The following PCNX2 variants were observed in gnomAD, a reference collection of about 807,000 sequenced individuals.
PCNX2 encodes pecanex 2, also known as pecanex-like protein 2.
A neutral mutation model predicts 223.8 loss-of-function variants in PCNX2; 168 were observed. That is an observed-to-expected ratio of 0.75 (90% CI 0.66 to 0.85). The LOEUF (loss-of-function observed/expected upper bound fraction) is 0.85, where lower values mean the gene tolerates loss of function less well. Ranked by LOEUF, PCNX2 falls within the 40% of genes least tolerant of loss-of-function variation. The pLI is 0.00. For missense variants in PCNX2, 2,507 were observed against 2,675.5 expected (o/e 0.94, Z 1.39); for synonymous variants, 1,006 against 1,052.6 (o/e 0.96, Z 0.86).
intron 23 of PCNX2, chr1:233,065,360 T>C (rs1052379790): frequency 2.0e-5 from 3 of 152,224 alleles, no homozygotes; most frequent in Admixed American, 6.5e-5. Flanking sequence ...CTATACAGAA[T>C]ACTGGTATCC....
At chr1:233,111,278 C>G (rs1675101487) in intron 21 of PCNX2, among the ~76,000 whole-genome samples, 1 of 152,118 alleles carries the variant, frequency 6.6e-6, no homozygotes, top group African/African-American at 2.4e-5. Context: ...CCTACCTCAG[C>G]AATTTATTGT....
At chr1:233,233,416 C>T (rs1281859383) in intron 9 of PCNX2, among the ~76,000 whole-genome samples, 1 of 144,270 alleles carries the variant, frequency 6.9e-6, no homozygotes. Context: ...AAATAACCTC[C>T]TCTTCTCCTG....
At chr1:233,158,899 C>A (rs188156835) in intron 19 of PCNX2, among the ~76,000 whole-genome samples, 3 of 152,158 alleles carry the variant, frequency 2.0e-5, no homozygotes, top group African/African-American at 7.2e-5. Context: ...CTCTATGTAT[C>A]CAGAAGCAGT....
At chr1:233,111,007 A>T (rs1675080584) in intron 21 of PCNX2, among the ~76,000 whole-genome samples, 1 of 152,216 alleles carries the variant, frequency 6.6e-6, no homozygotes, top group South Asian at 2.1e-4. Context: ...ATAAAGAAGT[A>T]GTTCAAAGTG....
At chr1:233,183,268 G>A (rs1202126998) in intron 15 of PCNX2, among the ~76,000 whole-genome samples, 1 of 152,078 alleles carries the variant, frequency 6.6e-6, no homozygotes, top group Non-Finnish European at 1.5e-5. Flanking sequence ...ACCTCTCACT[G>A]AGTCCCACCA....
chr1:233,127,934 G>A (rs1225665617), intron 21 of PCNX2, among the ~76,000 whole-genome samples: 1 of 151,904 alleles, frequency 6.6e-6, no homozygotes, highest in African/African-American at 2.4e-5. Context: ...TTTTGAACAA[G>A]TACTTCTGTA....
Position 233,291,102 on chromosome 1 carries a change from T to C in PCNX2, c.153+4224A>G, listed in dbSNP as rs1661737938. 5 of 985,242 alleles carry C rather than the reference T, an allele frequency of 5.1e-6. No individual in the cohort carries two copies. The South Asian group carries it at 2.3e-4, about 46-fold the overall frequency. The allele number at this position is 985,242 out of a possible 1,614,324, so 61.0% of individuals were successfully genotyped here. On this transcript the variant is annotated intron_variant, in intron 1 of 33. Coordinates refer to ENST00000258229, the MANE Select transcript of PCNX2 (RefSeq NM_014801.4). ...CTTATATGTAGTATGTCAGGCAGCA[T>C]AATGTCCTGGAAGGGCCAAAGACTC...
chr1:233,207,621 C>G (rs999562417), intron 13 of PCNX2, among the ~76,000 whole-genome samples: 31 of 152,192 alleles, frequency 2.0e-4, no homozygotes, highest in Admixed American at 1.4e-3. Flanking sequence ...TCAGTAATTT[C>G]TGAGGTGGCC....
chr1:233,215,808 C>T lies in PCNX2; in HGVS notation c.2691+2091G>A, dbSNP rs1422906162. On this transcript the variant is annotated intron_variant, in intron 12 of 33. Transcript: ENST00000258229. ...CACACCACCTAACCCAGATTTCTGA[C>T]GATAATCACAACAATACATCTCAAT... Among the ~76,000 whole-genome samples the T allele has an allele frequency of 3.9e-5, 6 of 152,092 alleles. No individual in the cohort carries two copies. In the East Asian group the frequency reaches 5.8e-4, roughly 15 times the overall value.
intron 23 of PCNX2, among the ~76,000 whole-genome samples, chr1:233,086,058 GAT>G (rs1337035350): frequency 2.0e-5 from 3 of 152,228 alleles, no homozygotes; most frequent in African/African-American, 7.2e-5. Context: ...GGAAAGGAAA[GAT>G]AATTTTTAAT....
chr1:233,288,809 T>C, intron 1 of PCNX2: 5 of 521,828 alleles, frequency 9.6e-6, no homozygotes, highest in South Asian at 2.8e-5. Context: ...ATGCCCTTTT[T>C]TTTTTTTTTT....
At position 233,275,591 on chromosome 1, in the gene PCNX2, A is replaced by C. The variant is rs78426439; in HGVS notation, c.154-12428T>G. Among the ~76,000 whole-genome samples, 260 of 152,360 alleles carry C rather than the reference A, an allele frequency of 1.7e-3. 2 individuals carry two copies. The highest frequency in any genetic ancestry group is 6.0e-3 in the African/African-American group (250 of 41,596). ...TTGTTATTTTAAAAAGTATTTACAC[A>C]AAACAGTGTGGGACTTCTTCAAAAA... On this transcript the variant is annotated intron_variant, in intron 1 of 33. Transcript: ENST00000258229.
At position 233,038,319 on chromosome 1, in the gene PCNX2, GA is replaced by G. The variant is rs1671528337; in HGVS notation, c.4352-12921del. On this transcript the variant is annotated intron_variant, in intron 25 of 33. Coordinates refer to ENST00000258229, the MANE Select transcript of PCNX2 (RefSeq NM_014801.4). ...CTACTACTGCCCCGTTTAAAGATGTGAAAACTAATGCACTCAACTCTACTCA... is the reference window on the plus strand; with the variant it reads ...CTACTACTGCCCCGTTTAAAGATGTGAAACTAATGCACTCAACTCTACTCA... Among the ~76,000 whole-genome samples the G allele has an allele frequency of 3.3e-5, 5 of 152,252 alleles. No individual in the cohort carries two copies. In the South Asian group the frequency reaches 1.0e-3, roughly 32 times the overall value.
intron 8 of PCNX2, among the ~76,000 whole-genome samples, chr1:233,241,703 C>T (rs1399661387): frequency 6.6e-6 from 1 of 152,114 alleles, no homozygotes; most frequent in East Asian, 1.9e-4. Flanking sequence ...ATATGCATCT[C>T]TCAAATATTT....
At position 233,227,243 on chromosome 1, in the gene PCNX2, C is replaced by A. The variant is rs949496370; in HGVS notation, c.2487G>T (p.Leu829Phe). 1.4e-5 allele frequency: 22 copies of A among 1,612,460 alleles called. No homozygotes were observed. The highest frequency in any genetic ancestry group is 1.9e-5 in the Non-Finnish European group (22 of 1,179,150). The change falls in exon 10 of 34, where the codon TTG becomes TTT. Residue 829 changes from leucine to phenylalanine, a missense_variant. Transcript: ENST00000258229. ...TGGCTTACCGATCAAGTAATGCCAG[C>A]AAGGTCAGTCGATCATACCAGACTT... ...WIKVWYDRLT[L>F]LALLDRTEDI...
intron 25 of PCNX2, among the ~76,000 whole-genome samples, chr1:233,048,036 T>C (rs184302487): frequency 2.1e-4 from 32 of 151,858 alleles, no homozygotes; most frequent in Non-Finnish European, 4.3e-4. Context: ...GGGATAAAAA[T>C]AGAAATCAAT....
chr1:233,280,953 A>C (rs1460117404), intron 1 of PCNX2, among the ~76,000 whole-genome samples: 3 of 138,834 alleles, frequency 2.2e-5, no homozygotes, highest in Non-Finnish European at 3.1e-5. Context: ...AAATGTTCAC[A>C]TCTCTCACGA....
rs1676115573 is a variant in PCNX2 at position 233,126,639 on chromosome 1, GA to G, written c.3837+8373del. On this transcript the variant is annotated intron_variant, in intron 21 of 33. Transcript: ENST00000258229. This position sits in a 1 kb window ranked among gnomAD's most constrained non-coding sequence, Gnocchi z 4.8. ...GCAGACAGAGATATGCATTAAAACA[GA>G]CTTTTTTTGTATTTTCCATTGCTTT... 6.6e-6 allele frequency among the ~76,000 whole-genome samples: 1 copy of G among 151,976 alleles called. No individual in the cohort carries two copies. Among genetic ancestry groups the G allele is most frequent in the Admixed American group, 6.6e-5 (1 of 15,254 alleles).
At chr1:233,055,034 A>AT (rs1672142662) in intron 24 of PCNX2, among the ~76,000 whole-genome samples, 1 of 152,174 alleles carries the variant, frequency 6.6e-6, no homozygotes, top group Non-Finnish European at 1.5e-5. Context: ...ATCCCTCTGT[A>AT]TGCATGTGCT....
Sources: gnomAD v4.1 joint callset for allele counts (sites outside exome capture counted in the v4.1 genomes callset) on GRCh38, gnomAD v4.1.1 for gene constraint, Gnocchi (gnomAD v3.1) non-coding constraint, MANE v1.5 for transcripts, NCBI Gene and HGNC (gene_info 2026-07-23, HGNC 2026-07-21) for gene names.